Variants in WWOX observed in about 807,000 individuals in gnomAD.
WWOX encodes WW domain containing oxidoreductase.
Under a neutral mutation model 46.2 loss-of-function variants are expected in WWOX, and 69 were observed. That is an observed-to-expected ratio of 1.49 (90% confidence interval 1.23 to 1.82). The LOEUF (loss-of-function observed/expected upper bound fraction) is 1.82. WWOX is among the 40% of genes most tolerant of loss of function. The pLI is 0.00. For synonymous variants in WWOX, 359 were observed against 202.6 expected, an observed-to-expected ratio of 1.77 and a Z score of -6.56; for missense variants, 919 against 542.6, an observed-to-expected ratio of 1.69 and a Z score of -6.89.
intron 8 of WWOX, among the ~76,000 whole-genome samples, chr16:78,622,165 C>G (rs145215409): frequency 6.6e-6 from 1 of 152,108 alleles, no homozygotes; most frequent in African/African-American, 2.4e-5. Flanking sequence ...ATTTGGGATT[C>G]TATCCTTTTT....
intron 8 of WWOX, among the ~76,000 whole-genome samples, chr16:78,930,128 C>T (rs1003936274): frequency 1.3e-5 from 2 of 152,002 alleles, no homozygotes; most frequent in East Asian, 1.9e-4. Context: ...TGGGGTCTGG[C>T]AGAGAAACAA....
intron 5 of WWOX, among the ~76,000 whole-genome samples, chr16:78,338,197 G>A (rs2080937009): frequency 8.3e-6 from 1 of 120,306 alleles, no homozygotes; most frequent in African/African-American, 2.8e-5. Context: ...TTAATTTTGT[G>A]AATTAAATAA....
intron 8 of WWOX, among the ~76,000 whole-genome samples, chr16:79,131,192 G>A (rs2049870984): frequency 6.6e-6 from 1 of 152,188 alleles, no homozygotes; most frequent in South Asian, 2.1e-4. Flanking sequence ...CAAGCAAGGT[G>A]ATTCAGCAAG....
rs191992233 is a variant in WWOX, at chr16:79,181,583, A to C, written c.1057-30025A>C. 5.7e-4 allele frequency among the ~76,000 whole-genome samples: 86 copies of C among 152,178 alleles called. No homozygotes were observed. In the East Asian group the frequency reaches 0.015, roughly 27 times the overall value. ...GTTTTTTTTTTAATTGGCTGGAAGC[A>C]CTTCATCATATAGTTGTACCAAAGT... On this transcript the variant is annotated intron_variant, in intron 8 of 8. Transcript: ENST00000566780.
intron 5 of WWOX, among the ~76,000 whole-genome samples, chr16:78,250,223 C>CGTCT: frequency 6.6e-6 from 1 of 152,304 alleles, no homozygotes; most frequent in South Asian, 2.1e-4. Context: ...TTTAGCACAA[C>CGTCT]GTCTATCTGG....
At chr16:78,589,098 C>T (rs1419331014) in intron 8 of WWOX, among the ~76,000 whole-genome samples, 2 of 152,198 alleles carry the variant, frequency 1.3e-5, no homozygotes, top group Non-Finnish European at 2.9e-5. Context: ...TTGTTTCTCC[C>T]TCAACCAATT....
intron 5 of WWOX, among the ~76,000 whole-genome samples, chr16:78,186,203 A>G (rs962297185): frequency 2.6e-5 from 4 of 152,182 alleles, no homozygotes; most frequent in African/African-American, 9.7e-5. Flanking sequence ...GGTTAAATAA[A>G]ATATCATTGA....
At chr16:78,573,170 C>T (rs939642251) in intron 8 of WWOX, among the ~76,000 whole-genome samples, 5 of 152,118 alleles carry the variant, frequency 3.3e-5, no homozygotes, top group African/African-American at 1.2e-4. Context: ...CCTGTAGTCC[C>T]AGCTGCTCAG....
Position 78,936,295 on chromosome 16 carries a change from C to A in WWOX, c.1057-275313C>A, listed in dbSNP as rs548593075. On this transcript the variant is annotated intron_variant, in intron 8 of 8. Transcript: ENST00000566780. ...AACCCTTGGACAGAGCTTAAGATGGCTGCGTCCCAAGTGGTCCATCCCAAG... is the reference window on the plus strand; with the variant it reads ...AACCCTTGGACAGAGCTTAAGATGGATGCGTCCCAAGTGGTCCATCCCAAG... Among the ~76,000 whole-genome samples, 11 of 152,280 alleles carry A rather than the reference C, an allele frequency of 7.2e-5. No individual in the cohort carries two copies. The South Asian group carries it at 2.3e-3, about 32-fold the overall frequency.
At chr16:79,023,322 A>G (rs989747911) in intron 8 of WWOX, among the ~76,000 whole-genome samples, 1 of 152,170 alleles carries the variant, frequency 6.6e-6, no homozygotes, top group African/African-American at 2.4e-5. Context: ...TAGACCTCTG[A>G]TCAGCTTCCA....
chr16:78,879,961 C>T lies in WWOX; in HGVS notation c.1057-331647C>T, dbSNP rs150834526. ...TGGTATTATCCTTTAGTTTAAGCCT[C>T]ACATTTTTCTAAACATTTTGAAATC... On this transcript the variant is annotated intron_variant, in intron 8 of 8. Transcript: ENST00000566780. Among the ~76,000 whole-genome samples the T allele has an allele frequency of 2.7e-3, 413 of 152,028 alleles. 2 individuals are homozygous for T. The highest frequency in any genetic ancestry group is 9.7e-3 in the African/African-American group (401 of 41,506).
chr16:79,046,521 A>G (rs1181283956), intron 8 of WWOX, among the ~76,000 whole-genome samples: 2 of 152,196 alleles, frequency 1.3e-5, no homozygotes, highest in Non-Finnish European at 2.9e-5. Context: ...CCTGATTCAT[A>G]GATGTCTGCC....
chr16:78,817,843 G>A (rs566506933), intron 8 of WWOX, among the ~76,000 whole-genome samples: 23 of 152,288 alleles, frequency 1.5e-4, no homozygotes, highest in African/African-American at 5.5e-4. Context: ...GTTTTCTGAT[G>A]AGGTCAAGCC....
At position 78,333,211 on chromosome 16, in the gene WWOX, C is replaced by G. The variant is rs575204989; in HGVS notation, c.517-53649C>G. On this transcript the variant is annotated intron_variant, in intron 5 of 8. Transcript: ENST00000566780. ...GACTACAGGAGCATACTCCCACACC[C>G]AGGTAATTTTTCATTTTTGGTAGAG... is the stretch of plus-strand genomic sequence containing the variant. 7.3e-5 allele frequency among the ~76,000 whole-genome samples: 11 copies of G among 151,666 alleles called. No individual in the cohort carries two copies. In the South Asian group the frequency reaches 1.3e-3, roughly 17 times the overall value.
At chr16:78,703,042 A>G (rs922049274) in intron 8 of WWOX, among the ~76,000 whole-genome samples, 6 of 152,168 alleles carry the variant, frequency 3.9e-5, no homozygotes, top group African/African-American at 1.4e-4. Flanking sequence ...GGAATCTTGC[A>G]GTGCTTGTTG....
intron 8 of WWOX, among the ~76,000 whole-genome samples, chr16:78,982,895 G>T (rs981959409): frequency 6.6e-6 from 1 of 152,180 alleles, no homozygotes; most frequent in Non-Finnish European, 1.5e-5. Flanking sequence ...TCTGTGTGGT[G>T]ATGTTGTGAA....
Position 79,124,247 on chromosome 16 carries a change from C to CA in WWOX, c.1057-87358dup, listed in dbSNP as rs927350894. Reference sequence around the variant, plus strand: ...GCGTGCCCCCTGCCCCAGAACTGGTCAAACGGTGCAGAGCGCTCGGCAAAT... The same window carrying CA: ...GCGTGCCCCCTGCCCCAGAACTGGTCAAAACGGTGCAGAGCGCTCGGCAAAT... On this transcript the variant is annotated intron_variant, in intron 8 of 8. Coordinates refer to ENST00000566780, the MANE Select transcript of WWOX (RefSeq NM_016373.4). Among the ~76,000 whole-genome samples the CA allele has an allele frequency of 2.0e-4, 30 of 152,230 alleles. 1 individual carries two copies. The highest frequency in any genetic ancestry group is 2.0e-3 in the Admixed American group (30 of 15,304).
intron 8 of WWOX, among the ~76,000 whole-genome samples, chr16:79,080,452 T>C (rs1355198078): frequency 6.6e-6 from 1 of 152,158 alleles, no homozygotes; most frequent in Non-Finnish European, 1.5e-5. Context: ...TCCTGGGAGA[T>C]AGAATTCAAT....
chr16:78,934,651 C>T (rs1302838641), intron 8 of WWOX, among the ~76,000 whole-genome samples: 2 of 152,044 alleles, frequency 1.3e-5, no homozygotes, highest in Non-Finnish European at 1.5e-5. Flanking sequence ...AATGTGGGGT[C>T]TTTGTGGAGG....
Sources: gnomAD v4.1 joint callset for allele counts (sites outside exome capture counted in the v4.1 genomes callset) on GRCh38, gnomAD v4.1.1 for gene constraint, MANE v1.5 for transcripts, NCBI Gene and HGNC (gene_info 2026-07-23, HGNC 2026-07-21) for gene names.